Variants in PTGER4 observed in about 807,000 individuals in gnomAD.
The protein encoded by PTGER4 is prostaglandin E receptor 4.
PTGER4 carries 11 observed loss-of-function variants against 33.2 expected under a neutral mutation model. That is an observed-to-expected ratio of 0.33 (90% CI 0.21 to 0.55). PTGER4 has a LOEUF of 0.55. PTGER4 is among the 20% of genes least tolerant of loss of function. PTGER4 has a pLI of 0.92. For synonymous variants in PTGER4, 275 were observed against 281.5 expected (o/e 0.98, Z 0.23); for missense variants, 481 against 650.2 (o/e 0.74, Z 2.83).
the PTGER4 span, among the ~76,000 whole-genome samples, chr5:40,725,941 A>C: frequency 6.6e-6 from 1 of 151,702 alleles, no homozygotes; most frequent in Admixed American, 6.6e-5. Context: ...GCCCGCCACC[A>C]CGTCCAGCTA....
At chr5:40,705,602 C>T in the PTGER4 span, among the ~76,000 whole-genome samples, 1 of 152,108 alleles carries the variant, frequency 6.6e-6, no homozygotes. Flanking sequence ...TATCCAGCAT[C>T]TATAAGGAAC....
chr5:40,731,658 A>G, the PTGER4 span, among the ~76,000 whole-genome samples: 1 of 152,198 alleles, frequency 6.6e-6, no homozygotes, highest in Non-Finnish European at 1.5e-5. Context: ...CCATAATTCA[A>G]TTATCTCCAC....
chr5:40,698,171 C>T (rs1169492517), downstream of PTGER4, among the ~76,000 whole-genome samples: 2 of 146,960 alleles, frequency 1.4e-5, no homozygotes, highest in Non-Finnish European at 3.0e-5. Flanking sequence ...CCTAGCTACT[C>T]GGGAGACTGA....
At chr5:40,737,234 T>C in the PTGER4 span, among the ~76,000 whole-genome samples, 631 of 151,916 alleles carry the variant, frequency 4.2e-3, 2 homozygotes, top group African/African-American at 0.015. Context: ...AAAGTGGAGA[T>C]TGCAATGAGA....
the PTGER4 span, among the ~76,000 whole-genome samples, chr5:40,708,881 T>C: frequency 0.69 from 103,407 of 150,684 alleles, 35,455 homozygotes; most frequent in East Asian, 0.8. Flanking sequence ...GTTCAACATA[T>C]GCAAATCAAT....
chr5:40,699,192 T>A, the PTGER4 span, among the ~76,000 whole-genome samples: 1 of 117,500 alleles, frequency 8.5e-6, no homozygotes. Flanking sequence ...AAAGATAAGT[T>A]GGAAAAAAAA....
the PTGER4 span, among the ~76,000 whole-genome samples, chr5:40,704,850 T>G: frequency 0.34 from 52,151 of 151,964 alleles, 10,052 homozygotes; most frequent in Admixed American, 0.45. Context: ...GAAAAACATC[T>G]CATGCTCATG....
chr5:40,705,270 A>C, the PTGER4 span, among the ~76,000 whole-genome samples: 5 of 152,234 alleles, frequency 3.3e-5, no homozygotes, highest in African/African-American at 1.2e-4. Flanking sequence ...CCAGCTAGCC[A>C]TATGCAGAAG....
the PTGER4 span, among the ~76,000 whole-genome samples, chr5:40,739,741 T>G: frequency 6.6e-6 from 1 of 152,318 alleles, no homozygotes; most frequent in Admixed American, 6.5e-5. Context: ...GTTTTTTTCA[T>G]AAATTATCCA....
rs1418069513 is a variant in PTGER4, at chr5:40,691,997, C to T, written c.1086C>T (p.His362=). Residue 362 remains histidine (H), a synonymous_variant, in exon 3 of 3, where the codon CAC becomes CAT. Coordinates refer to ENST00000302472, the MANE Select transcript of PTGER4 (RefSeq NM_000958.3). This position sits in a 1 kb window ranked among gnomAD's most constrained non-coding sequence, Gnocchi z 4.2. ...CCCGCAGGGAGCGCTCCGGACAGCA[C>T]TGCTCAGACAGTCAAAGGACATCTT... The part of the protein sequence containing the change: ...GGSRRERSGQ[H]CSDSQRTSSA... 1.2e-6 allele frequency: 2 copies of T among 1,614,058 alleles called. No homozygotes were observed. The highest frequency in any genetic ancestry group is 8.5e-7 in the Non-Finnish European group (1 of 1,180,046).
chr5:40,695,584 G>C (rs1741571173), downstream of PTGER4, among the ~76,000 whole-genome samples: 1 of 151,710 alleles, frequency 6.6e-6, no homozygotes, highest in Admixed American at 6.6e-5. Flanking sequence ...ACTAGGCATG[G>C]TGCCGTGTGC....
chr5:40,684,561 TA>T (rs900197043), intron 2 of PTGER4, among the ~76,000 whole-genome samples: 1 of 152,150 alleles, frequency 6.6e-6, no homozygotes, highest in Non-Finnish European at 1.5e-5. Flanking sequence ...GAGTTTAGTA[TA>T]AAAAATAAAT....
At chr5:40,694,782 T>C (rs1050044308), downstream of PTGER4, among the ~76,000 whole-genome samples, 3 of 152,246 alleles carry the variant, frequency 2.0e-5, no homozygotes, top group Non-Finnish European at 4.4e-5. Context: ...TTTTCATTGT[T>C]GAGCCTGATT....
chr5:40,704,788 A>T, the PTGER4 span, among the ~76,000 whole-genome samples: 1 of 152,210 alleles, frequency 6.6e-6, no homozygotes, highest in Non-Finnish European at 1.5e-5. Context: ...GGTCTCTACA[A>T]TGAGAATTAC....
At chr5:40,724,100 G>A in the PTGER4 span, among the ~76,000 whole-genome samples, 2 of 152,242 alleles carry the variant, frequency 1.3e-5, no homozygotes, top group African/African-American at 2.4e-5. Flanking sequence ...CACTATTCAC[G>A]ATAGCCAATA....
the PTGER4 span, among the ~76,000 whole-genome samples, chr5:40,700,675 ATG>A: frequency 4.6e-5 from 7 of 152,142 alleles, no homozygotes; most frequent in Non-Finnish European, 1.0e-4. Flanking sequence ...TGACTCTATG[ATG>A]GGGAAGGAAC....
the PTGER4 span, among the ~76,000 whole-genome samples, chr5:40,700,529 C>T: frequency 1.3e-5 from 2 of 152,220 alleles, no homozygotes; most frequent in Non-Finnish European, 2.9e-5. Flanking sequence ...CCCCATGGCT[C>T]GTCACCAGAC....
chr5:40,687,361 C>T (rs28540420), intron 2 of PTGER4, among the ~76,000 whole-genome samples: 41,372 of 152,056 alleles, frequency 0.27, 6,027 homozygotes, highest in East Asian at 0.56. Context: ...CCTCCTGACT[C>T]GGAGGTTCAG....
At chr5:40,705,377 A>G in the PTGER4 span, among the ~76,000 whole-genome samples, 1 of 152,224 alleles carries the variant, frequency 6.6e-6, no homozygotes, top group Non-Finnish European at 1.5e-5. Context: ...ATACCCTGGA[A>G]GACAATCTAG....
Sources: gnomAD v4.1 joint callset for allele counts (sites outside exome capture counted in the v4.1 genomes callset) on GRCh38, gnomAD v4.1.1 for gene constraint, Gnocchi (gnomAD v3.1) non-coding constraint, MANE v1.5 for transcripts, NCBI Gene and HGNC (gene_info 2026-07-23, HGNC 2026-07-21) for gene names.